Variants in KCNU1 observed in about 807,000 individuals in gnomAD.
The protein encoded by KCNU1 is potassium channel subfamily U member 1.
Under a neutral mutation model 126.8 loss-of-function variants are expected in KCNU1, and 93 were observed. The ratio of observed to expected loss-of-function variants is 0.73; its 90% CI spans 0.62 to 0.87. The LOEUF (loss-of-function observed/expected upper bound fraction) is 0.87, where lower values mean the gene tolerates loss of function less well. Ranked by LOEUF, KCNU1 falls within the 40% of genes least tolerant of loss-of-function variation. KCNU1 has a pLI of 0.00. For missense variants in KCNU1, 1,330 were observed against 1,367.1 expected (o/e 0.97, Z 0.43); for synonymous variants, 523 against 494.2 (o/e 1.06, Z -0.77).
At chr8:36,813,670 T>TAA (rs147980321) in intron 7 of KCNU1, among the ~76,000 whole-genome samples, 4,754 of 151,230 alleles carry the variant, frequency 0.031, 230 homozygotes, top group African/African-American at 0.11. Context: ...AAAGGTTTTT[T>TAA]TAAAAAAAAA....
Position 36,905,760 on chromosome 8 carries a change from A to T in KCNU1, c.2062A>T (p.Met688Leu), listed in dbSNP as rs1447306496. 6.2e-6 allele frequency: 10 copies of T among 1,604,974 alleles called. No homozygotes were observed. The highest frequency in any genetic ancestry group is 8.5e-6 in the Non-Finnish European group (10 of 1,174,318). The change falls in exon 20 of 27, where the codon ATG becomes TTG. Residue 688 changes from methionine to leucine, a missense_variant. Met to Leu is a conservative substitution (Grantham distance 15, BLOSUM62 2). Around this residue, in one of 3 missense-constraint regions of KCNU1, gnomAD observed 1,054 missense variants for 1,053.9 expected, o/e 1.00. Transcript: ENST00000399881. ...TTCTGACCAGCTTGATAGCAGTGGGATGTTTCACTGGTGCAAACCAACCTC... is the reference window on the plus strand; with the variant it reads ...TTCTGACCAGCTTGATAGCAGTGGGTTGTTTCACTGGTGCAAACCAACCTC... ...QDSDQLDSSGMFHWCKPTSLD... is the reference protein window; with the variant it reads ...QDSDQLDSSGLFHWCKPTSLD...
rs1282926018 is a variant in KCNU1 at position 36,784,486 on chromosome 8, G to A, written c.76G>A (p.Ala26Thr). ...GTCCTGCACAACTGAGATCCAAGCA[G>A]CATTCATTCTCTCTTCCTTTGTGAC... ...KMSCTTEIQA[A>T]FILSSFVTFF... is the part of the protein sequence containing the mutation. The change falls in exon 1 of 27, where the codon GCA becomes ACA. Residue 26 changes from alanine to threonine, a missense_variant. This residue lies in a region of KCNU1 where 247 missense variants were observed against 255.4 expected (regional missense o/e 0.97). Transcript: ENST00000399881. 1.9e-6 allele frequency: 3 copies of A among 1,613,900 alleles called. No homozygotes were observed. Among genetic ancestry groups the A allele is most frequent in the Non-Finnish European group, 2.5e-6 (3 of 1,179,806 alleles).
chr8:36,935,758 T>C lies in KCNU1; in HGVS notation c.3288T>C (p.Thr1096=). 1 of 1,613,568 alleles carries C rather than the reference T, an allele frequency of 6.2e-7. No individual in the cohort carries two copies. Among genetic ancestry groups the C allele is most frequent in the Non-Finnish European group, 8.5e-7 (1 of 1,179,582 alleles). ...CAGTCTATTCTTACCAGCCGAGAAC[T>C]AACTCCCTCTCTTTTCCTAAGCAAA... is the stretch of plus-strand genomic sequence containing the variant. The part of the protein sequence containing the change: ...YSPVYSYQPR[T]NSLSFPKQIA... The change falls in exon 27 of 27, where the codon ACT becomes ACC. Residue 1096 remains threonine (T), a synonymous_variant. Coordinates refer to ENST00000399881, the MANE Select transcript of KCNU1 (RefSeq NM_001031836.3).
intron 2 of KCNU1, among the ~76,000 whole-genome samples, chr8:36,792,035 AT>A (rs1450652049): frequency 6.6e-6 from 1 of 152,118 alleles, no homozygotes; most frequent in Non-Finnish European, 1.5e-5. Context: ...TTCCTAGAAA[AT>A]TTTTTGCAGA....
intron 19 of KCNU1, among the ~76,000 whole-genome samples, chr8:36,897,327 CT>C (rs1303676390): frequency 2.0e-5 from 3 of 151,794 alleles, no homozygotes; most frequent in Non-Finnish European, 2.9e-5. Context: ...TTTTCTCTGT[CT>C]ATCTTTTTTC....
At chr8:36,909,585 A>G in intron 21 of KCNU1, 50 bp downstream of exon 21, 1 of 1,028,758 alleles carries the variant, frequency 9.7e-7, no homozygotes, top group Non-Finnish European at 1.5e-6. Context: ...TTCAATATTA[A>G]TAGGACTAGA....
At chr8:36,871,310 T>G (rs1227647099) in intron 19 of KCNU1, among the ~76,000 whole-genome samples, 5 of 152,052 alleles carry the variant, frequency 3.3e-5, no homozygotes, top group African/African-American at 1.2e-4. Flanking sequence ...TCTAAATACC[T>G]CTTTTCTAGT....
intron 9 of KCNU1, among the ~76,000 whole-genome samples, chr8:36,816,991 G>T (rs1803938305): frequency 6.6e-6 from 1 of 151,946 alleles, no homozygotes; most frequent in Non-Finnish European, 1.5e-5. Context: ...AGACAACTAG[G>T]AATTAAGTGA....
chr8:36,921,925 G>A (rs925862747), intron 23 of KCNU1, among the ~76,000 whole-genome samples: 7 of 152,126 alleles, frequency 4.6e-5, no homozygotes, highest in African/African-American at 1.2e-4. Context: ...GGCTGGGCAC[G>A]TAGACTCTCA....
rs749300320 is a variant in KCNU1, at chr8:36,935,859, A to G, written c.3389A>G (p.Glu1130Gly). Residue 1130 changes from glutamate to glycine, a missense_variant, in exon 27 of 27, where the codon GAA becomes GGA. Glu to Gly is a moderately conservative substitution (Grantham distance 98). Transcript: ENST00000399881. ...IPLGDNAKEN[E>G]RKTSDEVYDE... ...TTAGGTGACAATGCAAAAGAAAATGAAAGGAAAACTTCAGATGAGGTTTAT... is the reference window on the plus strand; with the variant it reads ...TTAGGTGACAATGCAAAAGAAAATGGAAGGAAAACTTCAGATGAGGTTTAT... 13 of 1,612,006 alleles carry G rather than the reference A, an allele frequency of 8.1e-6. No individual in the cohort carries two copies. In the East Asian group the frequency reaches 2.5e-4, roughly 30 times the overall value.
At chr8:36,858,569 T>G (rs955791452) in intron 18 of KCNU1, among the ~76,000 whole-genome samples, 1 of 152,176 alleles carries the variant, frequency 6.6e-6, no homozygotes, top group Non-Finnish European at 1.5e-5. Context: ...AAACCAAACT[T>G]TCTGAAAAGA....
chr8:36,812,317 T>C (rs918746946), intron 7 of KCNU1, among the ~76,000 whole-genome samples: 6 of 149,442 alleles, frequency 4.0e-5, no homozygotes, highest in African/African-American at 1.5e-4. Flanking sequence ...GAGGTGGAGG[T>C]TGCAGTGGGC....
At chr8:36,831,062 T>C (rs1804528191) in intron 10 of KCNU1, among the ~76,000 whole-genome samples, 1 of 151,964 alleles carries the variant, frequency 6.6e-6, no homozygotes, top group Non-Finnish European at 1.5e-5. Flanking sequence ...TCCAATTTCA[T>C]CCATGTCCCT....
At chr8:36,907,814 T>C (rs1807690592) in intron 20 of KCNU1, among the ~76,000 whole-genome samples, 2 of 152,208 alleles carry the variant, frequency 1.3e-5, no homozygotes, top group African/African-American at 2.4e-5. Flanking sequence ...CAGGGAATGC[T>C]CATGCTGCAA....
chr8:36,826,101 T>G (rs1433121213), intron 10 of KCNU1, among the ~76,000 whole-genome samples: 1 of 151,956 alleles, frequency 6.6e-6, no homozygotes, highest in Admixed American at 6.6e-5. Flanking sequence ...CACCTTTTTG[T>G]TTCTCCTTTT....
At chr8:36,870,092 A>G (rs1806047522) in intron 19 of KCNU1, among the ~76,000 whole-genome samples, 1 of 152,158 alleles carries the variant, frequency 6.6e-6, no homozygotes, top group Non-Finnish European at 1.5e-5. Flanking sequence ...TTCCATGGCA[A>G]TTCCAGCTCC....
intron 25 of KCNU1, among the ~76,000 whole-genome samples, chr8:36,931,510 G>T (rs906401941): frequency 6.6e-6 from 1 of 152,014 alleles, no homozygotes; most frequent in African/African-American, 2.4e-5. Flanking sequence ...TTTTCTCTGT[G>T]CTTGTCTTTT....
chr8:36,931,327 A>G lies in KCNU1; in HGVS notation c.2931+182A>G, dbSNP rs1420480531. Among the ~76,000 whole-genome samples, 6 of 152,222 alleles carry G rather than the reference A, an allele frequency of 3.9e-5. No homozygotes were observed. In the East Asian group the frequency reaches 7.7e-4, roughly 20 times the overall value. ...AGTATTTTACAAATCACAGTGTGTT[A>G]ATATGTTATATTTATTTTTATAATA... On this transcript the variant is annotated intron_variant, in intron 25 of 26. Transcript: ENST00000399881.
At chr8:36,863,226 C>T (rs1471270016) in intron 18 of KCNU1, among the ~76,000 whole-genome samples, 3 of 152,132 alleles carry the variant, frequency 2.0e-5, no homozygotes, top group Non-Finnish European at 2.9e-5. Context: ...GATACCAAGA[C>T]ATTTTCATGG....
Sources: allele counts gnomAD v4.1 joint callset (sites outside exome capture counted in the v4.1 genomes callset), GRCh38; gene constraint gnomAD v4.1.1; regional missense constraint gnomAD v4.1.1; transcripts MANE v1.5; gene names NCBI Gene and HGNC (gene_info 2026-07-23, HGNC 2026-07-21).